ZNF438: variants seen among roughly 807,000 people sequenced by gnomAD.
ZNF438 encodes the protein zinc finger protein 438.
In ZNF438, 25 loss-of-function variants were observed where a neutral mutation model predicts 38.0. That is an observed-to-expected ratio of 0.66 (90% CI 0.48 to 0.92). The LOEUF (loss-of-function observed/expected upper bound fraction) is 0.92, where lower values mean the gene tolerates loss of function less well. Among genes scored for constraint, ZNF438 ranks in the 40% least tolerant of loss-of-function variants. The pLI is 0.00. For missense variants in ZNF438, 1,007 were observed against 999.6 expected (o/e 1.01, Z -0.10); for synonymous variants, 372 against 364.1 (o/e 1.02, Z -0.25).
intron 1 of ZNF438, among the ~76,000 whole-genome samples, chr10:30,947,998 T>C (rs538589545): frequency 1.4e-4 from 22 of 152,304 alleles, no homozygotes; most frequent in African/African-American, 4.3e-4. Context: ...CTGGGAGCTG[T>C]AGACCGGAGC....
At chr10:30,943,124 T>C (rs2046994361) in intron 1 of ZNF438, among the ~76,000 whole-genome samples, 1 of 152,188 alleles carries the variant, frequency 6.6e-6, no homozygotes, top group South Asian at 2.1e-4. Flanking sequence ...TGTTTTTTTT[T>C]CATTTTTAAT....
At chr10:30,995,922 G>T (rs924170345) in intron 1 of ZNF438, among the ~76,000 whole-genome samples, 3 of 152,128 alleles carry the variant, frequency 2.0e-5, no homozygotes, top group African/African-American at 7.2e-5. Context: ...TTACAACAGT[G>T]TGTTGTTGGG....
chr10:30,899,743 T>C (rs1332802598), intron 3 of ZNF438, among the ~76,000 whole-genome samples: 3 of 152,066 alleles, frequency 2.0e-5, no homozygotes, highest in East Asian at 1.9e-4. Context: ...TGAATATGTA[T>C]AGTTTTTGGC....
intron 4 of ZNF438, among the ~76,000 whole-genome samples, chr10:30,867,026 A>G (rs920478867): frequency 6.6e-6 from 1 of 152,220 alleles, no homozygotes; most frequent in Admixed American, 6.5e-5. Context: ...AATAGAATAC[A>G]AAAGTACATG....
intron 1 of ZNF438, among the ~76,000 whole-genome samples, chr10:30,998,510 TC>T (rs2054292238): frequency 8.9e-6 from 1 of 112,126 alleles, no homozygotes; most frequent in African/African-American, 3.5e-5. Flanking sequence ...GCCCCTGCAC[TC>T]CAGCCTGGGT....
intron 5 of ZNF438, among the ~76,000 whole-genome samples, chr10:30,848,017 C>T (rs2032665455): frequency 6.6e-6 from 1 of 152,198 alleles, no homozygotes; most frequent in Admixed American, 6.5e-5. Flanking sequence ...AGGTTTCCGG[C>T]TGGTGAAATG....
intron 1 of ZNF438, among the ~76,000 whole-genome samples, chr10:30,946,498 G>GAA (rs2047426779): frequency 6.6e-6 from 1 of 151,816 alleles, no homozygotes. Context: ...AAATTTACAA[G>GAA]AAAAAAACAA....
At chr10:30,858,248 A>G (rs1292542120) in intron 4 of ZNF438, among the ~76,000 whole-genome samples, 1 of 152,218 alleles carries the variant, frequency 6.6e-6, no homozygotes, top group Non-Finnish European at 1.5e-5. Flanking sequence ...GAAATACTCT[A>G]TTTTCAATTT....
At chr10:30,987,845 A>G (rs2053020493) in intron 1 of ZNF438, among the ~76,000 whole-genome samples, 2 of 152,174 alleles carry the variant, frequency 1.3e-5, no homozygotes, top group Non-Finnish European at 2.9e-5. Context: ...AACCGGGAGA[A>G]ATGAATTGTT....
intron 4 of ZNF438, among the ~76,000 whole-genome samples, chr10:30,865,283 G>C (rs2133269393): frequency 6.6e-6 from 1 of 152,280 alleles, no homozygotes; most frequent in African/African-American, 2.4e-5. Context: ...CTCACACATA[G>C]CAATGCGCAA....
At chr10:31,000,975 T>C (rs920742200) in intron 1 of ZNF438, among the ~76,000 whole-genome samples, 2 of 152,144 alleles carry the variant, frequency 1.3e-5, no homozygotes, top group Non-Finnish European at 2.9e-5. Flanking sequence ...ATCTTGCCCA[T>C]CTTCTAAAGT....
intron 3 of ZNF438, among the ~76,000 whole-genome samples, chr10:30,879,553 A>G (rs1588965085): frequency 6.6e-6 from 1 of 152,246 alleles, no homozygotes; most frequent in South Asian, 2.1e-4. Flanking sequence ...TATTAGAATT[A>G]GCAGACAAGG....
At chr10:30,936,536 T>A (rs975578380) in intron 2 of ZNF438, among the ~76,000 whole-genome samples, 1 of 152,072 alleles carries the variant, frequency 6.6e-6, no homozygotes, top group Non-Finnish European at 1.5e-5. Flanking sequence ...TAGCCAGGCA[T>A]GGTGGCAGGT....
At chr10:30,980,939 C>A (rs2136428037) in intron 1 of ZNF438, among the ~76,000 whole-genome samples, 2 of 152,326 alleles carry the variant, frequency 1.3e-5, no homozygotes, top group East Asian at 3.9e-4. Flanking sequence ...CATGCCTACT[C>A]TATTTCTGAC....
At chr10:30,871,381 CTGTT>C (rs369700179) in intron 4 of ZNF438, among the ~76,000 whole-genome samples, 365 of 152,156 alleles carry the variant, frequency 2.4e-3, no homozygotes, top group Middle Eastern at 0.01. Context: ...TTTATAAAAA[CTGTT>C]TGAGAGTTTA....
At chr10:30,875,802 T>C (rs938087349) in intron 4 of ZNF438, among the ~76,000 whole-genome samples, 2 of 152,234 alleles carry the variant, frequency 1.3e-5, no homozygotes, top group Non-Finnish European at 2.9e-5. Context: ...TGGAGCATGT[T>C]TGGCCTTCCA....
chr10:30,845,124 C>T, exon 6 of ZNF438: 2 of 1,614,204 alleles, frequency 1.2e-6, no homozygotes, highest in Non-Finnish European at 1.7e-6. Flanking sequence ...GCAGTTAAAG[C>T]CTGAATGGGA....
intron 1 of ZNF438, among the ~76,000 whole-genome samples, chr10:30,971,276 G>A (rs1359731793): frequency 6.6e-6 from 1 of 152,198 alleles, no homozygotes; most frequent in Non-Finnish European, 1.5e-5. Context: ...CGCAGTAAGT[G>A]TCAGCTGCTA....
At chr10:30,921,681 G>A (rs530356062) in intron 2 of ZNF438, among the ~76,000 whole-genome samples, 1 of 152,222 alleles carries the variant, frequency 6.6e-6, no homozygotes, top group South Asian at 2.1e-4. Flanking sequence ...TTGGGTCTAT[G>A]ATTATGCGTA....
Sources: allele counts gnomAD v4.1 joint callset (sites outside exome capture counted in the v4.1 genomes callset), GRCh38; gene constraint gnomAD v4.1.1; transcripts MANE v1.5; gene names NCBI Gene and HGNC (gene_info 2026-07-23, HGNC 2026-07-21).